The following MEIG1 variants were observed in gnomAD, a reference collection of about 807,000 sequenced individuals.
MEIG1 encodes meiosis expressed gene 1 protein homolog.
Under a neutral mutation model 11.3 loss-of-function variants are expected in MEIG1, and 12 were observed. That is an observed-to-expected ratio of 1.07 (90% CI 0.68 to 1.73). The LOEUF (loss-of-function observed/expected upper bound fraction) is 1.73, where lower values mean the gene tolerates loss of function less well. Among genes scored for constraint, MEIG1 ranks in the 40% most tolerant of loss-of-function variants. The pLI is 0.00. For missense variants in MEIG1, 119 were observed against 104.9 expected (o/e 1.13, Z -0.59); for synonymous variants, 41 against 33.2 (o/e 1.24, Z -0.81).
intron 1 of MEIG1, among the ~76,000 whole-genome samples, chr10:14,980,202 G>A (rs1352791210): frequency 1.3e-5 from 2 of 152,020 alleles, no homozygotes; most frequent in Non-Finnish European, 2.9e-5. Flanking sequence ...GAGTATCCCA[G>A]GGGGATGTTA....
chr10:14,965,920 G>GT (rs151179572), intron 1 of MEIG1, among the ~76,000 whole-genome samples: 14 of 151,722 alleles, frequency 9.2e-5, no homozygotes, highest in Non-Finnish European at 2.1e-4. Flanking sequence ...GGGACTTGGG[G>GT]TTTTTTTTGT....
intron 1 of MEIG1, among the ~76,000 whole-genome samples, chr10:14,961,856 G>A (rs111838398): frequency 0.02 from 3,023 of 151,686 alleles, 102 homozygotes; most frequent in African/African-American, 0.069. Flanking sequence ...CTCCCAGGCT[G>A]GAATGCAGTG....
chr10:14,987,092 G>T, intron 2 of MEIG1: 1 of 673,834 alleles, frequency 1.5e-6, no homozygotes, highest in Non-Finnish European at 2.5e-6. Flanking sequence ...ACAGTCAGGA[G>T]CATGCATTCT....
At chr10:14,983,152 G>A (rs1029515569) in intron 1 of MEIG1, among the ~76,000 whole-genome samples, 1 of 152,074 alleles carries the variant, frequency 6.6e-6, no homozygotes, top group South Asian at 2.1e-4. Flanking sequence ...TATCGCAGTA[G>A]CTGTACACCC....
chr10:14,966,592 A>C lies in MEIG1; in HGVS notation c.124A>C (p.Lys42Gln), dbSNP rs144359321. The C allele has an allele frequency of 3.0e-5, 49 of 1,609,622 alleles. No individual in the cohort carries two copies. The Middle Eastern group carries it at 5.0e-4, about 16-fold the overall frequency. The change falls in exon 2 of 3, where the codon AAA (lysine) becomes CAA (glutamine). Residue 42 changes from lysine (K) to glutamine (Q), a missense_variant. Lys to Gln is a moderately conservative substitution (Grantham distance 53, BLOSUM62 1). Coordinates refer to ENST00000407572, the MANE Select transcript of MEIG1 (RefSeq NM_001080836.3). ...GGATGAAACCGAATATAGACAAGTG[A>C]AACAAGTTTCTATGGTAAGATTTCT... ...YRDETEYRQV[K>Q]QVSMVDRWPE... is the part of the protein sequence containing the mutation.
downstream of MEIG1, among the ~76,000 whole-genome samples, chr10:14,974,630 A>G (rs537297231): frequency 6.6e-6 from 1 of 152,176 alleles, no homozygotes; most frequent in Non-Finnish European, 1.5e-5. Flanking sequence ...TGAGACTAAT[A>G]ACTATCAATA....
intron 2 of MEIG1, among the ~76,000 whole-genome samples, chr10:14,969,500 A>G (rs1843125829): frequency 6.6e-6 from 1 of 152,082 alleles, no homozygotes. Context: ...CACAAGAATT[A>G]AATGTAATCA....
intron 1 of MEIG1, among the ~76,000 whole-genome samples, chr10:14,985,533 C>T (rs1301326878): frequency 2.0e-5 from 3 of 151,768 alleles, no homozygotes; most frequent in Admixed American, 2.0e-4. Context: ...GTATTCAATG[C>T]TTGTGATACT....
intron 1 of MEIG1, among the ~76,000 whole-genome samples, chr10:14,985,938 A>G (rs1171865448): frequency 1.3e-5 from 2 of 152,070 alleles, no homozygotes; most frequent in African/African-American, 4.8e-5. Context: ...TAGTCTTAAT[A>G]TCCAGGGTAA....
intron 1 of MEIG1, among the ~76,000 whole-genome samples, chr10:14,961,924 T>A (rs1313388397): frequency 1.3e-5 from 2 of 151,992 alleles, no homozygotes; most frequent in African/African-American, 2.4e-5. Context: ...CCTCCCACCT[T>A]AGCCTCCCCA....
At chr10:14,958,117 G>A (rs1036967715), upstream of MEIG1, among the ~76,000 whole-genome samples, 131 of 152,298 alleles carry the variant, frequency 8.6e-4, 1 homozygote, top group African/African-American at 3.1e-3. Flanking sequence ...GGAAAGAGAG[G>A]GCTCTAGGCC....
At chr10:14,973,769 C>CAAAAAAAAAA (rs59507280), downstream of MEIG1, among the ~76,000 whole-genome samples, 2 of 90,440 alleles carry the variant, frequency 2.2e-5, no homozygotes, top group Non-Finnish European at 2.1e-5. Context: ...GACTCCATCT[C>CAAAAAAAAAA]AAAAAAAAAA....
rs572655962 is a variant in MEIG1, at chr10:14,980,711, C to A, written n.67-6085C>A. Among the ~76,000 whole-genome samples the A allele has an allele frequency of 2.0e-5, 3 of 152,234 alleles. No individual in the cohort carries two copies. In the East Asian group the frequency reaches 5.8e-4, roughly 29 times the overall value. ...GAAACCTCTGGAGGTCTCGAGCCAA[C>A]GCCTCACCGAAGATGGTGGGGGAGT... is the stretch of plus-strand genomic sequence containing the variant. On this transcript the variant is annotated intron_variant and non_coding_transcript_variant, in intron 1 of 2. Transcript: ENST00000467536.
chr10:14,987,267 GGA>G, intron 2 of MEIG1: 1 of 812,996 alleles, frequency 1.2e-6, no homozygotes, highest in South Asian at 1.4e-5. Flanking sequence ...ATGGGGGTAT[GGA>G]GGGGGGAGTC....
At chr10:14,979,273 A>G (rs192924129) in intron 1 of MEIG1, among the ~76,000 whole-genome samples, 85 of 151,144 alleles carry the variant, frequency 5.6e-4, no homozygotes, top group African/African-American at 1.9e-3. Context: ...GTGATATTAC[A>G]CAGGCTAACC....
At chr10:14,969,765 G>T (rs1003362152) in intron 2 of MEIG1, among the ~76,000 whole-genome samples, 12 of 152,198 alleles carry the variant, frequency 7.9e-5, no homozygotes, top group African/African-American at 2.9e-4. Flanking sequence ...GAACCCGGGA[G>T]GGGGAGGTTA....
At position 14,972,638 on chromosome 10, in the gene MEIG1, C is replaced by CT. The variant is rs1843165950; in HGVS notation, c.265dup (p.Ter89LeufsTer30). The CT allele has an allele frequency of 1.2e-6, 2 of 1,601,970 alleles. No individual in the cohort carries two copies. Among genetic ancestry groups the CT allele is most frequent in the African/African-American group, 2.7e-5 (2 of 74,268 alleles). ...TCCACAAAGTGAAAATTTATGCTTA[C>CT]TAGCCTGTCTTCTTTGTATTACTTG... On this transcript the variant is annotated frameshift_variant, in exon 3 of 3. Coordinates refer to ENST00000407572, the MANE Select transcript of MEIG1 (RefSeq NM_001080836.3). LOFTEE classifies it high-confidence loss of function.
intron 1 of MEIG1, among the ~76,000 whole-genome samples, chr10:14,960,642 T>A (rs1227844827): frequency 1.3e-5 from 2 of 151,824 alleles, no homozygotes; most frequent in Admixed American, 1.3e-4. Flanking sequence ...ATGGTCTCGA[T>A]CTCCTGACCT....
chr10:14,965,353 A>G (rs1843067759), intron 1 of MEIG1, among the ~76,000 whole-genome samples: 1 of 152,156 alleles, frequency 6.6e-6, no homozygotes, highest in African/African-American at 2.4e-5. Context: ...CCTTTGAAAA[A>G]CTTGCTATGG....
Sources: allele counts gnomAD v4.1 joint callset (sites outside exome capture counted in the v4.1 genomes callset), GRCh38; gene constraint gnomAD v4.1.1; transcripts MANE v1.5; gene names NCBI Gene and HGNC (gene_info 2026-07-23, HGNC 2026-07-21).